The following C2CD4B variants were observed in gnomAD, a reference collection of about 807,000 sequenced individuals.
C2CD4B encodes C2 calcium dependent domain containing 4B.
For synonymous variants in C2CD4B, 347 were observed against 284.9 expected (o/e 1.22, Z -2.20); for missense variants, 644 against 577.7 (o/e 1.11, Z -1.18).
chr15:62,164,470 C>G lies in C2CD4B; in HGVS notation c.515G>C (p.Arg172Pro). The part of the protein sequence containing the change: ...LPQDALAAGP[R>P]RCRLLRVPDG... ...GGGGACGCGCAGGAGGCGGCAGCGG[C>G]GGGGCCCCGCAGCGAGCGCGTCCTG... Residue 172 changes from arginine (R) to proline (P), a missense_variant, in exon 2 of 2, where the codon CGC (arginine) becomes CCC (proline). Coordinates refer to ENST00000380392, the MANE Select transcript of C2CD4B (RefSeq NM_001007595.3). The G allele has an allele frequency of 3.9e-6, 5 of 1,279,474 alleles. No homozygotes were observed. The highest frequency in any genetic ancestry group is 3.2e-5 in the East Asian group (1 of 31,190). 79.3% of individuals were successfully genotyped at this position (1,279,474 alleles called of 1,614,324 possible).
chr15:62,164,736 C>T lies in C2CD4B; in HGVS notation c.249G>A (p.Gln83=), dbSNP rs1334683693. The T allele has an allele frequency of 1.4e-5, 20 of 1,479,090 alleles. No homozygotes were observed. The highest frequency in any genetic ancestry group is 7.2e-5 in the Admixed American group (3 of 41,720). The allele number at this position is 1,479,090 out of a possible 1,614,324, so 91.6% of individuals were successfully genotyped here. Residue 83 remains glutamine, a synonymous_variant, in exon 2 of 2, where the codon CAG becomes CAA. Coordinates refer to ENST00000380392, the MANE Select transcript of C2CD4B (RefSeq NM_001007595.3). ...AGRTDWDPRS[Q]AALSLPHLPR... ...GCAGGTGCGGCAGTGACAGCGCTGCCTGCGAGCGCGGGTCCCAGTCCGTGC... is the reference window on the plus strand; with the variant it reads ...GCAGGTGCGGCAGTGACAGCGCTGCTTGCGAGCGCGGGTCCCAGTCCGTGC...
Position 62,164,302 on chromosome 15 carries a change from G to A in C2CD4B, c.683C>T (p.Ser228Leu). Residue 228 changes from serine to leucine, a missense_variant, in exon 2 of 2, where the codon TCA becomes TTA. Physicochemically the swap from Ser to Leu is moderately radical, Grantham distance 145. Transcript: ENST00000380392. Reference sequence around the variant, plus strand: ...GCGCTCAGGAAGCGGGGCCCTGGATGACAGCGGGCTCGAGGAGGGGGCCCG... The same window carrying A: ...GCGCTCAGGAAGCGGGGCCCTGGATAACAGCGGGCTCGAGGAGGGGGCCCG... ...PARAPSSSPL[S>L]SRAPLPERLE... The A allele has an allele frequency of 7.1e-7, 1 of 1,415,416 alleles. No individual in the cohort carries two copies. Among genetic ancestry groups the A allele is most frequent in the Non-Finnish European group, 9.1e-7 (1 of 1,094,490 alleles). The allele number at this position is 1,415,416 out of a possible 1,614,324, so 87.7% of individuals were successfully genotyped here. A position where few individuals can be genotyped will look rare whatever the true frequency, so the allele number is the denominator to read the frequency against.
Position 62,164,311 on chromosome 15 carries a change from C to T in C2CD4B, c.674G>A (p.Ser225Asn). ...SESPARAPSS[S>N]PLSSRAPLPE... is the part of the protein sequence containing the mutation. ...AAGCGGGGCCCTGGATGACAGCGGG[C>T]TCGAGGAGGGGGCCCGGGCCGGGGA... Residue 225 changes from serine to asparagine, a missense_variant, in exon 2 of 2, where the codon AGC becomes AAC. Ser to Asn is a conservative substitution (Grantham distance 46, BLOSUM62 1). Coordinates refer to ENST00000380392, the MANE Select transcript of C2CD4B (RefSeq NM_001007595.3). 7.1e-7 allele frequency: 1 copy of T among 1,409,844 alleles called. No homozygotes were observed. The highest frequency in any genetic ancestry group is 9.2e-7 in the Non-Finnish European group (1 of 1,090,972). 87.3% of individuals were successfully genotyped at this position (1,409,844 alleles called of 1,614,324 possible).
rs1380633910 is a variant in C2CD4B at position 62,164,594 on chromosome 15, C to G, written c.391G>C (p.Gly131Arg). Residue 131 changes from glycine (G) to arginine (R), a missense_variant, in exon 2 of 2, where the codon GGC (glycine) becomes CGC (arginine). Transcript: ENST00000380392. ...GGGGCGTCCGGGCCTCCGCCGCCGC[C>G]GCAGCTGTGGGCCCGGGGCCGGGGC... ...PAPRPRAHSC[G>R]GGGGPDAPLG... is the part of the protein sequence containing the mutation. 1 of 1,220,154 alleles carries G rather than the reference C, an allele frequency of 8.2e-7. No individual in the cohort carries two copies. The highest frequency in any genetic ancestry group is 1.0e-6 in the Non-Finnish European group (1 of 983,808). 75.6% of individuals were successfully genotyped at this position (1,220,154 alleles called of 1,614,324 possible). A position where few individuals can be genotyped will look rare whatever the true frequency, so the allele number is the denominator to read the frequency against.
chr15:62,164,259 G>C lies in C2CD4B; in HGVS notation c.726C>G (p.Thr242=), dbSNP rs1050656133. The C allele has an allele frequency of 6.9e-7, 1 of 1,440,798 alleles. No individual in the cohort carries two copies. The allele number at this position is 1,440,798 out of a possible 1,614,324, so 89.3% of individuals were successfully genotyped here. ...PLPERLEAKG[T]VALGRAGDAL... is the part of the protein sequence containing the mutation. The stretch of plus-strand genomic sequence containing the variant: ...CGTCGCCGGCGCGGCCCAGAGCCAC[G>C]GTGCCCTTGGCCTCCAGGCGCTCAG... The change falls in exon 2 of 2, where the codon ACC becomes ACG. Residue 242 remains threonine (T), a synonymous_variant. Transcript: ENST00000380392.
rs1019892638 is a variant in C2CD4B at position 62,163,882 on chromosome 15, C to G, written c.*8G>C. ...CCAGGGCAGAGCGCCCCGGGGAGGG[C>G]TGGGCCCTCAGAGCAGCAGGAGGGC... On this transcript the variant is annotated 3_prime_UTR_variant, in exon 2 of 2. Transcript: ENST00000380392. The G allele has an allele frequency of 5.4e-6, 8 of 1,491,574 alleles. No individual in the cohort carries two copies. In the Admixed American group the frequency reaches 6.5e-5, roughly 12 times the overall value. 92.4% of individuals were successfully genotyped at this position (1,491,574 alleles called of 1,614,324 possible).
In C2CD4B at chr15:62,164,949, T is replaced by G; in HGVS notation, c.36A>C (p.Ala12=). ...AGGCGGGCTTCGGCGCGGAGCTGCCTGCGGCCGAGGAACAGAGTTTCTCGA... is the reference window on the plus strand; with the variant it reads ...AGGCGGGCTTCGGCGCGGAGCTGCCGGCGGCCGAGGAACAGAGTTTCTCGA... ...RLLEKLCSSA[A]GSSAPKPAFA... The change falls in exon 2 of 2, where the codon GCA becomes GCC. Residue 12 remains alanine, a synonymous_variant. Coordinates refer to ENST00000380392, the MANE Select transcript of C2CD4B (RefSeq NM_001007595.3). 1 of 1,530,282 alleles carries G rather than the reference T, an allele frequency of 6.5e-7. No homozygotes were observed. Among genetic ancestry groups the G allele is most frequent in the Non-Finnish European group, 8.8e-7 (1 of 1,140,520 alleles). The allele number at this position is 1,530,282 out of a possible 1,614,324, so 94.8% of individuals were successfully genotyped here.
rs1216531194 is a variant in C2CD4B, at chr15:62,164,232, G to C, written c.753C>G (p.Ala251=). ...GACAGTACTCAGCAGCCAGGCGCAG[G>C]GCGTCGCCGGCGCGGCCCAGAGCCA... The part of the protein sequence containing the change: ...GTVALGRAGD[A]LRLAAEYCPG... Residue 251 remains alanine, a synonymous_variant, in exon 2 of 2, where the codon GCC becomes GCG. Transcript: ENST00000380392. 1 of 1,458,240 alleles carries C rather than the reference G, an allele frequency of 6.9e-7. No individual in the cohort carries two copies. The highest frequency in any genetic ancestry group is 1.3e-5 in the South Asian group (1 of 74,752). The allele number at this position is 1,458,240 out of a possible 1,614,324, so 90.3% of individuals were successfully genotyped here.
In C2CD4B at chr15:62,164,529, G is replaced by A; in HGVS notation, c.456C>T (p.Ala152=). 2 of 1,145,720 alleles carry A rather than the reference G, an allele frequency of 1.7e-6. No individual in the cohort carries two copies. Among genetic ancestry groups the A allele is most frequent in the East Asian group, 8.9e-5 (2 of 22,464 alleles). 71.0% of individuals were successfully genotyped at this position (1,145,720 alleles called of 1,614,324 possible). A position where few individuals can be genotyped will look rare whatever the true frequency, so the allele number is the denominator to read the frequency against. ...GGGGACCGCCGGGGGCCGCGGGGGT[G>A]GCCGGGCCCGGACCTCGCGGGCCGC... The part of the protein sequence containing the change: ...TLCGPRGPGP[A]TPAAPGGPRL... Residue 152 remains alanine, a synonymous_variant, in exon 2 of 2, where the codon GCC becomes GCT. Transcript: ENST00000380392.
At chr15:62,165,164 G>A in intron 1 of C2CD4B, 31 bp downstream of exon 1, 2 of 636,614 alleles carry the variant, frequency 3.1e-6, no homozygotes, top group Non-Finnish European at 5.0e-6. Flanking sequence ...CCTCTCCCCT[G>A]CACCCACAAC....
rs779929817 is a variant in C2CD4B, at chr15:62,164,032, T to C, written c.953A>G (p.Asp318Gly). ...TTCCGAGAGGCCGTCGAAGCAAAAG[T>C]CCTGGTCAAAGGAGGCCTTGCGGCT... ...GRSRKASFDQ[D>G]FCFDGLSEDE... is the part of the protein sequence containing the mutation. The change falls in exon 2 of 2, where the codon GAC becomes GGC. Residue 318 changes from aspartate (D) to glycine (G), a missense_variant. Coordinates refer to ENST00000380392, the MANE Select transcript of C2CD4B (RefSeq NM_001007595.3). The C allele has an allele frequency of 1.2e-6, 2 of 1,600,266 alleles. No homozygotes were observed. The highest frequency in any genetic ancestry group is 1.7e-5 in the Admixed American group (1 of 59,110).
Position 62,163,842 on chromosome 15 carries a change from C to CA in C2CD4B, c.*47dup. On this transcript the variant is annotated 3_prime_UTR_variant, in exon 2 of 2. Transcript: ENST00000380392. ...CGTTTATTCTGTACCACGCGGCTGT[C>CA]AGTGTCCGGAGTCTCCAGGGCAGAG... 2 of 1,419,294 alleles carry CA rather than the reference C, an allele frequency of 1.4e-6. No individual in the cohort carries two copies. The highest frequency in any genetic ancestry group is 1.8e-6 in the Non-Finnish European group (2 of 1,093,198). 87.9% of individuals were successfully genotyped at this position (1,419,294 alleles called of 1,614,324 possible).
intron 1 of C2CD4B, 32 bp downstream of exon 1, chr15:62,165,163 T>C (rs2049603829): frequency 1.6e-6 from 1 of 638,918 alleles, no homozygotes; most frequent in East Asian, 3.4e-5. Flanking sequence ...TCCTCTCCCC[T>C]GCACCCACAA....
In C2CD4B at chr15:62,164,028, A is replaced by G. The variant is rs1133668; in HGVS notation, c.957T>C (p.Phe319=). 3 of 1,601,274 alleles carry G rather than the reference A, an allele frequency of 1.9e-6. No individual in the cohort carries two copies. Among genetic ancestry groups the G allele is most frequent in the Non-Finnish European group, 2.6e-6 (3 of 1,176,254 alleles). Residue 319 remains phenylalanine (F), a synonymous_variant, in exon 2 of 2, where the codon TTT becomes TTC. Transcript: ENST00000380392. ...CGTCTTCCGAGAGGCCGTCGAAGCA[A>G]AAGTCCTGGTCAAAGGAGGCCTTGC... ...RSRKASFDQD[F]CFDGLSEDEV...
chr15:62,163,847 T>C lies in C2CD4B; in HGVS notation c.*43A>G. 1 of 1,422,960 alleles carries C rather than the reference T, an allele frequency of 7.0e-7. No homozygotes were observed. The highest frequency in any genetic ancestry group is 1.5e-5 in the African/African-American group (1 of 67,042). 88.1% of individuals were successfully genotyped at this position (1,422,960 alleles called of 1,614,324 possible). A position where few individuals can be genotyped will look rare whatever the true frequency, so the allele number is the denominator to read the frequency against. On this transcript the variant is annotated 3_prime_UTR_variant, in exon 2 of 2. Transcript: ENST00000380392. ...ATTCTGTACCACGCGGCTGTCAGTGTCCGGAGTCTCCAGGGCAGAGCGCCC... is the reference window on the plus strand; with the variant it reads ...ATTCTGTACCACGCGGCTGTCAGTGCCCGGAGTCTCCAGGGCAGAGCGCCC...
chr15:62,164,640 G>T lies in C2CD4B; in HGVS notation c.345C>A (p.Leu115=), dbSNP rs1174423228. The part of the protein sequence containing the change: ...ESPHTRRKES[L]LLGGPPAPRP... The stretch of plus-strand genomic sequence containing the variant: ...GGGGCGCGGGCGGGCCCCCGAGCAG[G>T]AGCGACTCCTTGCGGCGCGTGTGCG... Residue 115 remains leucine (L), a synonymous_variant, in exon 2 of 2, where the codon CTC becomes CTA. Transcript: ENST00000380392. 12 of 1,410,060 alleles carry T rather than the reference G, an allele frequency of 8.5e-6. No homozygotes were observed. In the South Asian group the frequency reaches 1.6e-4, roughly 19 times the overall value. The allele number at this position is 1,410,060 out of a possible 1,614,324, so 87.3% of individuals were successfully genotyped here. A position where few individuals can be genotyped will look rare whatever the true frequency, so the allele number is the denominator to read the frequency against.
In C2CD4B at chr15:62,163,937, G is replaced by A. The variant is rs745662617; in HGVS notation, c.1048C>T (p.Leu350=). The change falls in exon 2 of 2, where the codon CTG becomes TTG. Residue 350 remains leucine (L), a synonymous_variant. Transcript: ENST00000380392. ...DEGRGRDRGR[L]LGQGELSLGA... is the part of the protein sequence containing the mutation. ...AGGGACAGCTCACCCTGGCCCAGCA[G>A]GCGGCCCCGATCCCGGCCGCGACCC... 4 of 1,565,798 alleles carry A rather than the reference G, an allele frequency of 2.6e-6. No individual in the cohort carries two copies. Among genetic ancestry groups the A allele is most frequent in the East Asian group, 2.3e-5 (1 of 42,950 alleles).
At position 62,164,889 on chromosome 15, in the gene C2CD4B, T is replaced by G; in HGVS notation, c.96A>C (p.Glu32Asp). ...AKVLTPNRIP[E>D]FCIPPRLPAP... ...CCGGCAGCCGCGGCGGGATGCAGAA[T>G]TCGGGGATGCGATTCGGCGTGAGCA... Residue 32 changes from glutamate (E) to aspartate (D), a missense_variant, in exon 2 of 2, where the codon GAA becomes GAC. Coordinates refer to ENST00000380392, the MANE Select transcript of C2CD4B (RefSeq NM_001007595.3). The G allele has an allele frequency of 6.5e-7, 1 of 1,527,080 alleles. No individual in the cohort carries two copies. Among genetic ancestry groups the G allele is most frequent in the Non-Finnish European group, 8.8e-7 (1 of 1,141,604 alleles). 94.6% of individuals were successfully genotyped at this position (1,527,080 alleles called of 1,614,324 possible).
chr15:62,164,938 G>A lies in C2CD4B; in HGVS notation c.47C>T (p.Ala16Val), dbSNP rs1348548890. The A allele has an allele frequency of 6.5e-7, 1 of 1,534,306 alleles. No homozygotes were observed. Residue 16 changes from alanine (A) to valine (V), a missense_variant, in exon 2 of 2, where the codon GCG becomes GTG. Coordinates refer to ENST00000380392, the MANE Select transcript of C2CD4B (RefSeq NM_001007595.3). ...CACTTTGGCGAAGGCGGGCTTCGGCGCGGAGCTGCCTGCGGCCGAGGAACA... is the reference window on the plus strand; with the variant it reads ...CACTTTGGCGAAGGCGGGCTTCGGCACGGAGCTGCCTGCGGCCGAGGAACA... ...KLCSSAAGSS[A>V]PKPAFAKVLT... is the part of the protein sequence containing the mutation.
Sources: gnomAD v4.1 joint callset for allele counts on GRCh38, gnomAD v4.1.1 for gene constraint, MANE v1.5 for transcripts, NCBI Gene and HGNC (gene_info 2026-07-23, HGNC 2026-07-21) for gene names.